MTR: variants seen among roughly 807,000 people sequenced by gnomAD.
MTR encodes methionine synthase.
Under a neutral mutation model 154.8 loss-of-function variants are expected in MTR, and 84 were observed. That is an observed-to-expected ratio of 0.54 (90% CI 0.45 to 0.65). The LOEUF (loss-of-function observed/expected upper bound fraction) is 0.65, where lower values mean the gene tolerates loss of function less well. Among genes scored for constraint, MTR ranks in the 30% least tolerant of loss-of-function variants. MTR has a pLI of 0.00. For synonymous variants in MTR, 554 were observed against 553.9 expected (o/e 1.00, Z 0.00); for missense variants, 1,275 against 1,570.2 (o/e 0.81, Z 3.18).
At chr1:236,875,974 T>C (rs1339544220) in intron 24 of MTR, among the ~76,000 whole-genome samples, 1 of 152,206 alleles carries the variant, frequency 6.6e-6, no homozygotes, top group African/African-American at 2.4e-5. Context: ...TTCTTCTTCC[T>C]TGTAGGGCTG....
At chr1:236,796,066 T>G (rs1199264064) in intron 1 of MTR, among the ~76,000 whole-genome samples, 1 of 146,048 alleles carries the variant, frequency 6.8e-6, no homozygotes, top group South Asian at 2.2e-4. Flanking sequence ...CCTCTGGAAG[T>G]TTTTTTTTTT....
At chr1:236,846,213 C>A (rs1323098205) in intron 15 of MTR, among the ~76,000 whole-genome samples, 2 of 152,164 alleles carry the variant, frequency 1.3e-5, no homozygotes, top group Non-Finnish European at 1.5e-5. Flanking sequence ...ATACAGGACA[C>A]CTTTATTATT....
intron 18 of MTR, among the ~76,000 whole-genome samples, chr1:236,857,647 G>A (rs1664281706): frequency 6.6e-6 from 1 of 152,206 alleles, no homozygotes; most frequent in African/African-American, 2.4e-5. Flanking sequence ...TGAACTTAGA[G>A]GATCTAACTA....
chr1:236,842,206 T>G, intron 15 of MTR, among the ~76,000 whole-genome samples: 1 of 152,178 alleles, frequency 6.6e-6, no homozygotes, highest in East Asian at 1.9e-4. Context: ...ATTCTAACTC[T>G]TGATTATTTT....
In MTR at chr1:236,892,375, G is replaced by A. The variant is rs146849565; in HGVS notation, c.3204+1046G>A. Reference sequence around the variant, plus strand: ...CCTGTACTTCTTCAGCCAGCTACTCGGGAGGATGAGGCGGGAGGATCACTT... The same window carrying A: ...CCTGTACTTCTTCAGCCAGCTACTCAGGAGGATGAGGCGGGAGGATCACTT... On this transcript the variant is annotated intron_variant, in intron 29 of 32. Coordinates refer to ENST00000366577, the MANE Select transcript of MTR (RefSeq NM_000254.3). Among the ~76,000 whole-genome samples, 372 of 152,194 alleles carry A rather than the reference G, an allele frequency of 2.4e-3. 4 individuals carry two copies. Among genetic ancestry groups the A allele is most frequent in the African/African-American group, 7.9e-3 (330 of 41,534 alleles).
intron 27 of MTR, among the ~76,000 whole-genome samples, chr1:236,886,786 G>A (rs1046716544): frequency 1.3e-5 from 2 of 152,192 alleles, no homozygotes; most frequent in Non-Finnish European, 2.9e-5. Flanking sequence ...GTGGAAACCT[G>A]CCTGGGTGGT....
At chr1:236,819,749 C>A in intron 8 of MTR, 1 of 745,890 alleles carries the variant, frequency 1.3e-6, no homozygotes, top group Non-Finnish European at 2.5e-6. Context: ...AGCAGTACAT[C>A]TATAAAAGGA....
chr1:236,816,363 G>A (rs1661592009), intron 7 of MTR, 86 bp from the exon 8 acceptor site: 1 of 1,117,530 alleles, frequency 8.9e-7, no homozygotes, highest in African/African-American at 1.5e-5. Flanking sequence ...AGCAAAGGAA[G>A]TCAGTGTGTT....
At chr1:236,869,882 C>T (rs1329786397) in intron 22 of MTR, among the ~76,000 whole-genome samples, 7 of 152,152 alleles carry the variant, frequency 4.6e-5, no homozygotes, top group Non-Finnish European at 8.8e-5. Context: ...CAGCTAATAC[C>T]CACTTAATTT....
chr1:236,889,840 GAGAAGGCAC>G (rs1235979539), intron 28 of MTR, among the ~76,000 whole-genome samples: 1 of 152,232 alleles, frequency 6.6e-6, no homozygotes, highest in African/African-American at 2.4e-5. Flanking sequence ...GAGACAGTGT[GAGAAGGCAC>G]AGGCACATGT....
Position 236,897,310 on chromosome 1 carries a change from G to GCGCGCGCGCGCACACA in MTR, c.3711+193_3711+194insGCGCGCGCGCACACAC. ...ACTTCTACATGCAAGCCACACACAC[G>GCGCGCGCGCGCACACA]CACACACACACACACACACACACAC... On this transcript the variant is annotated intron_variant, in intron 32 of 32. Coordinates refer to ENST00000366577, the MANE Select transcript of MTR (RefSeq NM_000254.3). Among the ~76,000 whole-genome samples the GCGCGCGCGCGCACACA allele has an allele frequency of 4.3e-3, 549 of 128,670 alleles. 3 individuals carry two copies. The highest frequency in any genetic ancestry group is 1.0e-2 in the African/African-American group (363 of 36,428). The allele number at this position is 128,670 out of a possible 152,430, so 84.4% of individuals were successfully genotyped here. A position where few individuals can be genotyped will look rare whatever the true frequency, so the allele number is the denominator to read the frequency against.
At chr1:236,847,543 A>G (rs957098094) in intron 15 of MTR, among the ~76,000 whole-genome samples, 3 of 152,220 alleles carry the variant, frequency 2.0e-5, no homozygotes, top group Non-Finnish European at 4.4e-5. Flanking sequence ...AACCTGTTTG[A>G]TAAAGCTATA....
intron 16 of MTR, 127 bp downstream of exon 16, chr1:236,850,650 T>G (rs1283437616): frequency 2.1e-6 from 2 of 961,780 alleles, no homozygotes; most frequent in Non-Finnish European, 3.2e-6. Context: ...AGTAAATTGT[T>G]TTTCTGAAAT....
chr1:236,881,642 C>G (rs1338315275), intron 25 of MTR, among the ~76,000 whole-genome samples: 2 of 152,260 alleles, frequency 1.3e-5, no homozygotes, highest in Middle Eastern at 3.4e-3. Flanking sequence ...CGGAGGTGGC[C>G]TGGTGATCTG....
At chr1:236,819,590 C>T (rs575090625) in intron 8 of MTR, 155 of 427,246 alleles carry the variant, frequency 3.6e-4, no homozygotes, top group Middle Eastern at 1.5e-3. Context: ...GGGGTCCATC[C>T]GGCGTTGTTC....
chr1:236,895,682 T>C, intron 31 of MTR, 132 bp downstream of exon 31: 1 of 841,646 alleles, frequency 1.2e-6, no homozygotes. Context: ...TATGCTGTCC[T>C]TTTTCACTCG....
At chr1:236,797,145 G>A (rs114507560) in intron 1 of MTR, among the ~76,000 whole-genome samples, 4,962 of 152,318 alleles carry the variant, frequency 0.033, 133 homozygotes, top group Non-Finnish European at 0.055. Flanking sequence ...GGCCTCTGAA[G>A]TTCTGAATCA....
chr1:236,796,815 A>G lies in MTR; in HGVS notation c.34+1078A>G, dbSNP rs189793259. ...TTAATTAATAAATGTAAACCTCCCTATAAGAGATTTATATCTTATTGAATA... is the reference window on the plus strand; with the variant it reads ...TTAATTAATAAATGTAAACCTCCCTGTAAGAGATTTATATCTTATTGAATA... On this transcript the variant is annotated intron_variant, in intron 1 of 32. Transcript: ENST00000366577. Among the ~76,000 whole-genome samples the G allele has an allele frequency of 3.6e-3, 541 of 151,510 alleles. 6 individuals carry two copies. Among genetic ancestry groups the G allele is most frequent in the African/African-American group, 0.013 (526 of 41,268 alleles).
chr1:236,814,895 C>A (rs1472382341), intron 6 of MTR, among the ~76,000 whole-genome samples: 3 of 152,220 alleles, frequency 2.0e-5, no homozygotes, highest in Admixed American at 2.0e-4. Flanking sequence ...AAAAAACCTA[C>A]CATCACAGGA....
Sources: allele counts gnomAD v4.1 joint callset (sites outside exome capture counted in the v4.1 genomes callset), GRCh38; gene constraint gnomAD v4.1.1; transcripts MANE v1.5; gene names NCBI Gene and HGNC (gene_info 2026-07-23, HGNC 2026-07-21).